Variants in TBC1D19 observed in about 807,000 individuals in gnomAD.
TBC1D19 encodes TBC1 domain family, member 19.
TBC1D19 carries 60 observed loss-of-function variants against 89.0 expected under a neutral mutation model. The ratio of observed to expected loss-of-function variants is 0.67; its 90% CI spans 0.55 to 0.84. TBC1D19 has a LOEUF of 0.84. TBC1D19 is among the 40% of genes least tolerant of loss of function. The probability of loss-of-function intolerance (pLI) is 0.00; values close to 1 mark genes in which losing one functional copy is unlikely to be tolerated. For missense variants in TBC1D19, 500 were observed against 610.8 expected, an observed-to-expected ratio of 0.82 and a Z score of 1.91; for synonymous variants, 189 against 199.7, an observed-to-expected ratio of 0.95 and a Z score of 0.45.
intron 1 of TBC1D19, among the ~76,000 whole-genome samples, chr4:26,601,709 A>G (rs755148540): frequency 5.9e-5 from 9 of 152,186 alleles, no homozygotes; most frequent in Non-Finnish European, 1.0e-4. Context: ...GGTTTTTAGG[A>G]ACATTAATCT....
intron 13 of TBC1D19, among the ~76,000 whole-genome samples, chr4:26,701,827 C>T (rs1715358189): frequency 6.6e-6 from 1 of 152,146 alleles, no homozygotes; most frequent in African/African-American, 2.4e-5. Context: ...CTTCTTATGC[C>T]ATTTTGATCC....
chr4:26,752,057 A>G (rs1718993109), intron 19 of TBC1D19, among the ~76,000 whole-genome samples: 1 of 152,076 alleles, frequency 6.6e-6, no homozygotes. Context: ...TGAACGTGTC[A>G]CCCCACTTAC....
intron 3 of TBC1D19, among the ~76,000 whole-genome samples, chr4:26,615,418 T>C (rs1481764321): frequency 1.3e-5 from 2 of 151,686 alleles, no homozygotes; most frequent in African/African-American, 2.4e-5. Flanking sequence ...ATGGAGTTCA[T>C]AGTCTAACAG....
chr4:26,660,380 AG>A (rs936180686), intron 8 of TBC1D19, among the ~76,000 whole-genome samples: 5 of 152,220 alleles, frequency 3.3e-5, no homozygotes, highest in Admixed American at 1.3e-4. Flanking sequence ...ACAGGGGAGA[AG>A]ATCAAACCTA....
At chr4:26,781,769 G>A in the TBC1D19 span, among the ~76,000 whole-genome samples, 1 of 150,674 alleles carries the variant, frequency 6.6e-6, no homozygotes, top group South Asian at 2.1e-4. Flanking sequence ...TTCTTTTTAA[G>A]AGAGAGGAAG....
chr4:26,760,682 T>G (rs1227539845), downstream of TBC1D19, among the ~76,000 whole-genome samples: 1 of 152,252 alleles, frequency 6.6e-6, no homozygotes, highest in Non-Finnish European at 1.5e-5. Context: ...ATGAGATAGT[T>G]AATATTCTTA....
chr4:26,618,606 AAT>A (rs1278356271), intron 3 of TBC1D19, among the ~76,000 whole-genome samples: 3 of 152,178 alleles, frequency 2.0e-5, no homozygotes, highest in Non-Finnish European at 4.4e-5. Flanking sequence ...TTGTAAGTAA[AAT>A]AGTAACATGA....
the TBC1D19 span, among the ~76,000 whole-genome samples, chr4:26,761,901 C>T: frequency 2.6e-5 from 4 of 151,934 alleles, no homozygotes; most frequent in Middle Eastern, 3.4e-3. Flanking sequence ...CTGAGGTGGG[C>T]GGATCACTTG....
the TBC1D19 span, among the ~76,000 whole-genome samples, chr4:26,819,746 C>T: frequency 1.2e-4 from 19 of 152,306 alleles, no homozygotes; most frequent in Middle Eastern, 3.4e-3. Flanking sequence ...TCATGAGGCC[C>T]TACCCAGTAT....
chr4:26,602,001 T>C (rs537298943), intron 1 of TBC1D19, among the ~76,000 whole-genome samples: 1 of 152,332 alleles, frequency 6.6e-6, no homozygotes, highest in Admixed American at 6.5e-5. Context: ...TAAAATTGGC[T>C]ATCTTGCTTA....
intron 11 of TBC1D19, among the ~76,000 whole-genome samples, chr4:26,675,501 A>G (rs919631730): frequency 6.6e-6 from 1 of 152,102 alleles, no homozygotes; most frequent in Non-Finnish European, 1.5e-5. Context: ...GTAAATAGAA[A>G]TTAATATTTT....
chr4:26,651,335 T>A (rs1231227809), intron 7 of TBC1D19, among the ~76,000 whole-genome samples: 1 of 152,218 alleles, frequency 6.6e-6, no homozygotes, highest in Admixed American at 6.5e-5. Context: ...ATATTGATTC[T>A]TCCTACCCAT....
intron 13 of TBC1D19, among the ~76,000 whole-genome samples, chr4:26,712,415 T>C (rs927667729): frequency 4.6e-5 from 7 of 152,020 alleles, no homozygotes; most frequent in African/African-American, 1.7e-4. Flanking sequence ...TTCCTCTGTC[T>C]TCAAAGCCAG....
intron 19 of TBC1D19, among the ~76,000 whole-genome samples, chr4:26,749,909 A>C (rs1192538875): frequency 6.6e-6 from 1 of 152,208 alleles, no homozygotes; most frequent in Non-Finnish European, 1.5e-5. Flanking sequence ...TACAAATATG[A>C]TTTAGGAAAT....
intron 13 of TBC1D19, among the ~76,000 whole-genome samples, chr4:26,713,266 C>T (rs762145457): frequency 6.6e-6 from 1 of 151,908 alleles, no homozygotes; most frequent in Non-Finnish European, 1.5e-5. Context: ...ACCACTTAAC[C>T]ATTTCTAAGG....
At chr4:26,659,864 A>C (rs1745113720) in intron 8 of TBC1D19, among the ~76,000 whole-genome samples, 157 bp downstream of exon 8, 1 of 152,180 alleles carries the variant, frequency 6.6e-6, no homozygotes, top group Admixed American at 6.5e-5. Flanking sequence ...ATATAGAGAG[A>C]GCAAGTTGTT....
At chr4:26,746,445 C>G (rs1029563588) in intron 18 of TBC1D19, among the ~76,000 whole-genome samples, 3 of 152,054 alleles carry the variant, frequency 2.0e-5, no homozygotes, top group African/African-American at 7.2e-5. Flanking sequence ...AATTCTCTGG[C>G]TCTTTCCTCC....
chr4:26,831,058 G>C, the TBC1D19 span, among the ~76,000 whole-genome samples: 1 of 152,230 alleles, frequency 6.6e-6, no homozygotes. Flanking sequence ...GTTGCATGTG[G>C]ACATACACGC....
In TBC1D19 at chr4:26,698,817, A is replaced by G. The variant is rs553207820; in HGVS notation, c.954+10410A>G. Among the ~76,000 whole-genome samples the G allele has an allele frequency of 2.6e-5, 4 of 152,320 alleles. No individual in the cohort carries two copies. The East Asian group carries it at 7.7e-4, about 29-fold the overall frequency. On this transcript the variant is annotated intron_variant, in intron 13 of 20. Coordinates refer to ENST00000264866, the MANE Select transcript of TBC1D19 (RefSeq NM_018317.4). ...GGAAAACTGGCTAGCCATATGTAGAAAGCTGAAACTGGATCCCTTCCTTAC... is the reference window on the plus strand; with the variant it reads ...GGAAAACTGGCTAGCCATATGTAGAGAGCTGAAACTGGATCCCTTCCTTAC...
Sources: gnomAD v4.1 joint callset for allele counts (sites outside exome capture counted in the v4.1 genomes callset) on GRCh38, gnomAD v4.1.1 for gene constraint, MANE v1.5 for transcripts, NCBI Gene and HGNC (gene_info 2026-07-23, HGNC 2026-07-21) for gene names.